CC2D2B: variants seen among roughly 807,000 people sequenced by gnomAD.
CC2D2B encodes coiled-coil and C2 domain containing 2B.
CC2D2B carries 128 observed loss-of-function variants against 161.2 expected under a neutral mutation model. The observed-to-expected ratio is 0.79, with a 90% CI of 0.69 to 0.92. The LOEUF (loss-of-function observed/expected upper bound fraction) is 0.92. Among genes scored for constraint, CC2D2B ranks in the 40% least tolerant of loss-of-function variants. The probability of loss-of-function intolerance (pLI) is 0.00; values close to 1 mark genes in which losing one functional copy is unlikely to be tolerated. For synonymous variants in CC2D2B, 391 were observed against 449.8 expected (o/e 0.87, Z 1.65); for missense variants, 1,173 against 1,375.1 (o/e 0.85, Z 2.32).
chr10:96,014,019 T>C (rs895018537), intron 29 of CC2D2B, 142 bp downstream of exon 29: 3 of 359,762 alleles, frequency 8.3e-6, no homozygotes, highest in Non-Finnish European at 1.4e-5. Context: ...CATCTTCAGT[T>C]CCATAACAAT....
chr10:95,999,783 G>C, intron 24 of CC2D2B: 1 of 267,218 alleles, frequency 3.7e-6, no homozygotes, highest in South Asian at 5.6e-5. Flanking sequence ...ATTATGCCAT[G>C]ACTTTATAGG....
At chr10:95,913,594 G>C (rs2098510525) in intron 2 of CC2D2B, among the ~76,000 whole-genome samples, 1 of 152,086 alleles carries the variant, frequency 6.6e-6, no homozygotes, top group Non-Finnish European at 1.5e-5. Context: ...CAGTGTATTA[G>C]GGTTGCCCTT....
rs746334086 is a variant in CC2D2B at position 95,974,089 on chromosome 10, T to A, written c.1876T>A (p.Trp626Arg). 1.6e-6 allele frequency: 2 copies of A among 1,230,326 alleles called. No individual in the cohort carries two copies. Among genetic ancestry groups the A allele is most frequent in the Admixed American group, 4.2e-5 (1 of 23,714 alleles). The allele number at this position is 1,230,326 out of a possible 1,614,324, so 76.2% of individuals were successfully genotyped here. A position where few individuals can be genotyped will look rare whatever the true frequency, so the allele number is the denominator to read the frequency against. The stretch of plus-strand genomic sequence containing the variant: ...AGGAAAACTTAGCTATTCTCTATCA[T>A]GGAGCTTAGATGAAAATGGTCTTCC... ...TSGKLSYSLS[W>R]SLDENGLPLI... The change falls in exon 17 of 35, where the codon TGG becomes AGG. Residue 626 changes from tryptophan (W) to arginine (R), a missense_variant. By Grantham distance (101) the Trp-to-Arg change is moderately radical (BLOSUM62 -3). Transcript: ENST00000646931.
At chr10:95,974,612 T>G (rs2077251311) in intron 17 of CC2D2B, among the ~76,000 whole-genome samples, 1 of 152,156 alleles carries the variant, frequency 6.6e-6, no homozygotes, top group Admixed American at 6.5e-5. Flanking sequence ...AATGCTGGCT[T>G]CCATAATGTG....
intron 6 of CC2D2B, among the ~76,000 whole-genome samples, chr10:95,937,752 C>G (rs920910483): frequency 8.5e-5 from 13 of 152,100 alleles, no homozygotes; most frequent in African/African-American, 3.1e-4. Context: ...TTTCAGCAGT[C>G]TTTCAGTGAA....
In CC2D2B at chr10:95,934,598, T is replaced by C. The variant is rs564109640; in HGVS notation, c.337-3393T>C. ...GTTGAGAAGACCATGGGAAAAGTGT[T>C]CCTCATGGCACAGTCCCTCAGGGCT... On this transcript the variant is annotated intron_variant, in intron 6 of 34. Transcript: ENST00000646931. Among the ~76,000 whole-genome samples the C allele has an allele frequency of 8.5e-5, 13 of 152,210 alleles. No individual in the cohort carries two copies. In the South Asian group the frequency reaches 2.7e-3, roughly 32 times the overall value.
In CC2D2B at chr10:95,996,267, AT is replaced by A. The variant is rs1298397339; in HGVS notation, c.2849+20del. On this transcript the variant is annotated intron_variant, in intron 24 of 34. Coordinates refer to ENST00000646931, the MANE Select transcript of CC2D2B (RefSeq NM_001349008.3). The stretch of plus-strand genomic sequence containing the variant: ...GTAGATTTTGTGTAAGTTGGAGTTC[AT>A]TTTTCCATAGCTCCTAAAAAAAGAG... 23 of 1,120,880 alleles carry A rather than the reference AT, an allele frequency of 2.1e-5. No homozygotes were observed. The highest frequency in any genetic ancestry group is 7.2e-5 in the Admixed American group (3 of 41,492). The allele number at this position is 1,120,880 out of a possible 1,614,324, so 69.4% of individuals were successfully genotyped here.
At chr10:95,978,212 G>T (rs1343826326) in intron 17 of CC2D2B, among the ~76,000 whole-genome samples, 2 of 152,092 alleles carry the variant, frequency 1.3e-5, no homozygotes, top group African/African-American at 4.8e-5. Context: ...TTCCTGCTTA[G>T]CAGAATAAAT....
At chr10:95,949,670 T>A (rs1305197890) in intron 9 of CC2D2B, among the ~76,000 whole-genome samples, 44 of 144,242 alleles carry the variant, frequency 3.1e-4, no homozygotes, top group African/African-American at 8.7e-4. Flanking sequence ...AAAAAAAAAT[T>A]AAAAAAAAAA....
chr10:95,971,580 T>C (rs1176590943), intron 15 of CC2D2B, among the ~76,000 whole-genome samples: 6 of 152,116 alleles, frequency 3.9e-5, no homozygotes, highest in African/African-American at 1.4e-4. Context: ...TCCCATAGCT[T>C]GTTTAACTCA....
In CC2D2B at chr10:95,966,198, A is replaced by C. The variant is rs2076935917; in HGVS notation, c.1362A>C (p.Ser454=). ...TATTTTTTGATTTCTAGAGCCTCTC[A>C]TATCTAGCTTCAGACGAAACAGAAA... ...LKNGKKLESL[S]YLASDETEIE... is the part of the protein sequence containing the mutation. Residue 454 remains serine, a synonymous_variant, in exon 14 of 35, where the codon TCA becomes TCC. Transcript: ENST00000646931. 1 of 1,205,128 alleles carries C rather than the reference A, an allele frequency of 8.3e-7. No homozygotes were observed. The highest frequency in any genetic ancestry group is 4.2e-5 in the South Asian group (1 of 23,858). The allele number at this position is 1,205,128 out of a possible 1,614,324, so 74.7% of individuals were successfully genotyped here.
intron 15 of CC2D2B, among the ~76,000 whole-genome samples, chr10:95,971,250 G>T (rs542286489): frequency 1.3e-5 from 2 of 151,942 alleles, no homozygotes; most frequent in Non-Finnish European, 2.9e-5. Flanking sequence ...TTAGCCAGGT[G>T]TGGTGGTGGG....
intron 11 of CC2D2B, among the ~76,000 whole-genome samples, chr10:95,958,022 T>C (rs1318868402): frequency 2.0e-5 from 3 of 146,390 alleles, no homozygotes; most frequent in African/African-American, 7.6e-5. Context: ...TATGGCCAAC[T>C]CAAAGGAAAA....
chr10:95,951,813 AC>A (rs976929476), intron 10 of CC2D2B, among the ~76,000 whole-genome samples: 13 of 152,242 alleles, frequency 8.5e-5, no homozygotes, highest in African/African-American at 2.9e-4. Flanking sequence ...TAAAATAAAA[AC>A]TTTTGGGGTT....
At chr10:96,007,400 C>T (rs560621172) in intron 25 of CC2D2B, among the ~76,000 whole-genome samples, 1 of 152,136 alleles carries the variant, frequency 6.6e-6, no homozygotes, top group African/African-American at 2.4e-5. Flanking sequence ...GCAAGGTAGA[C>T]CTAAGAAGCC....
At position 95,921,940 on chromosome 10, in the gene CC2D2B, T is replaced by TATA. The variant is rs541307342; in HGVS notation, c.37-59_37-57dup. 3.0e-3 allele frequency: 2,369 copies of TATA among 795,278 alleles called. 3 individuals carry two copies. The highest frequency in any genetic ancestry group is 4.9e-3 in the South Asian group (258 of 52,892). The allele number at this position is 795,278 out of a possible 1,614,324, so 49.3% of individuals were successfully genotyped here. ...TGCACATGTACCCTAGGACTTAAAG[T>TATA]ATAATAATAATAATAATAAAAGATG... is the stretch of plus-strand genomic sequence containing the variant. On this transcript the variant is annotated intron_variant, in intron 2 of 34. Transcript: ENST00000646931.
intron 11 of CC2D2B, among the ~76,000 whole-genome samples, chr10:95,957,553 A>ATT (rs869263327): frequency 0.036 from 2,995 of 83,684 alleles, 288 homozygotes; most frequent in African/African-American, 0.1. Context: ...GCTGACAATG[A>ATT]TTTTTTTTTT....
intron 1 of CC2D2B, among the ~76,000 whole-genome samples, chr10:95,909,514 GAGATAA>G (rs1261549390): frequency 6.6e-6 from 1 of 152,214 alleles, no homozygotes; most frequent in African/African-American, 2.4e-5. Context: ...TAGATGAACT[GAGATAA>G]AGATAAAATT....
At chr10:95,979,604 C>T (rs2077439483) in intron 17 of CC2D2B, among the ~76,000 whole-genome samples, 1 of 152,176 alleles carries the variant, frequency 6.6e-6, no homozygotes, top group Non-Finnish European at 1.5e-5. Context: ...CCCAGCAAGC[C>T]CACAGTGCTA....
Sources: gnomAD v4.1 joint callset for allele counts (sites outside exome capture counted in the v4.1 genomes callset) on GRCh38, gnomAD v4.1.1 for gene constraint, MANE v1.5 for transcripts, NCBI Gene and HGNC (gene_info 2026-07-23, HGNC 2026-07-21) for gene names.